Variants in MPPED2 observed in about 807,000 individuals in gnomAD.
The protein encoded by MPPED2 is metallophosphoesterase MPPED2.
Under a neutral mutation model 33.0 loss-of-function variants are expected in MPPED2, and 5 were observed. That is an observed-to-expected ratio of 0.15 (90% CI 0.08 to 0.32). The LOEUF is 0.32. Ranked by LOEUF, MPPED2 falls within the 10% of genes least tolerant of loss-of-function variation. The pLI, the probability that MPPED2 is intolerant of heterozygous loss-of-function variation, is 1.00. For missense variants in MPPED2, 275 were observed against 372.1 expected (o/e 0.74, Z 2.15); for synonymous variants, 136 against 141.9 (o/e 0.96, Z 0.29).
intron 2 of MPPED2, among the ~76,000 whole-genome samples, chr11:30,548,996 T>C (rs1467948352): frequency 6.6e-6 from 1 of 152,212 alleles, no homozygotes; most frequent in African/African-American, 2.4e-5. Flanking sequence ...TTGTGACTAC[T>C]CACCAGTTCA....
intron 3 of MPPED2, among the ~76,000 whole-genome samples, chr11:30,520,340 A>G (rs924585686): frequency 2.0e-5 from 3 of 152,200 alleles, no homozygotes; most frequent in African/African-American, 7.2e-5. Flanking sequence ...GGTGTACTAT[A>G]AATATGGCAT....
At chr11:30,544,930 C>T (rs1955328929) in intron 2 of MPPED2, among the ~76,000 whole-genome samples, 1 of 152,126 alleles carries the variant, frequency 6.6e-6, no homozygotes, top group African/African-American at 2.4e-5. Context: ...AAAATAAGCA[C>T]AAGACTTGGA....
intron 6 of MPPED2, among the ~76,000 whole-genome samples, chr11:30,405,007 A>C (rs558509012): frequency 3.8e-4 from 58 of 152,190 alleles, no homozygotes; most frequent in Non-Finnish European, 6.9e-4. Flanking sequence ...AGAACGTGGC[A>C]CAGCTGGACG....
At chr11:30,395,142 T>A (rs1309554219) in intron 6 of MPPED2, among the ~76,000 whole-genome samples, 1 of 152,190 alleles carries the variant, frequency 6.6e-6, no homozygotes, top group Non-Finnish European at 1.5e-5. Context: ...CCTCCAACTT[T>A]GTTTCTGAAT....
chr11:30,457,669 T>C (rs891915473), intron 4 of MPPED2, among the ~76,000 whole-genome samples: 1 of 152,230 alleles, frequency 6.6e-6, no homozygotes, highest in Non-Finnish European at 1.5e-5. Context: ...GTAACCTGCC[T>C]AGGGTTCCAC....
intron 4 of MPPED2, among the ~76,000 whole-genome samples, chr11:30,482,247 T>C (rs776884285): frequency 1.1e-4 from 17 of 152,214 alleles, no homozygotes; most frequent in Admixed American, 8.5e-4. Context: ...TCTGACTATA[T>C]TAGTATATGT....
chr11:30,450,097 G>A (rs1347758449), intron 4 of MPPED2, among the ~76,000 whole-genome samples: 2 of 152,188 alleles, frequency 1.3e-5, no homozygotes, highest in African/African-American at 4.8e-5. Flanking sequence ...AGTGTCTTTT[G>A]AATTCACAGG....
At chr11:30,441,697 G>C (rs985597762) in intron 4 of MPPED2, among the ~76,000 whole-genome samples, 1 of 151,934 alleles carries the variant, frequency 6.6e-6, no homozygotes, top group Non-Finnish European at 1.5e-5. Flanking sequence ...CTAAAGCTTC[G>C]GCCTCAGCTT....
intron 2 of MPPED2, among the ~76,000 whole-genome samples, chr11:30,576,077 G>A (rs1956917648): frequency 1.3e-5 from 2 of 152,146 alleles, no homozygotes; most frequent in South Asian, 4.1e-4. Context: ...CATTTATTGA[G>A]CATAGACTAT....
intron 2 of MPPED2, among the ~76,000 whole-genome samples, chr11:30,553,627 T>G (rs1955827494): frequency 6.6e-6 from 1 of 152,146 alleles, no homozygotes; most frequent in South Asian, 2.1e-4. Flanking sequence ...AAAATAAGAT[T>G]GAGAAACAGG....
At chr11:30,512,977 C>G (rs750860475) in intron 3 of MPPED2, among the ~76,000 whole-genome samples, 3 of 150,642 alleles carry the variant, frequency 2.0e-5, no homozygotes, top group Non-Finnish European at 4.4e-5. Context: ...CTACTGTGCT[C>G]TAGTTTGGGA....
In MPPED2 at chr11:30,457,382, C is replaced by CAA. The variant is rs146074145; in HGVS notation, c.536+37912_536+37913dup. The stretch of plus-strand genomic sequence containing the variant: ...CTGGCATTTTGACTTCCTAATTTTC[C>CAA]AAAAAAAAAAAAAAAACAGTTCCTT... On this transcript the variant is annotated intron_variant, in intron 4 of 6. Transcript: ENST00000358117. Among the ~76,000 whole-genome samples, 121 of 129,526 alleles carry CAA rather than the reference C, an allele frequency of 9.3e-4. No homozygotes were observed. The East Asian group carries it at 0.017, about 19-fold the overall frequency. 85.0% of individuals were successfully genotyped at this position (129,526 alleles called of 152,430 possible).
chr11:30,417,466 GCCTGGAAAAAAAGGCA>G, intron 5 of MPPED2, 36 bp downstream of exon 5: 1 of 894,644 alleles, frequency 1.1e-6, no homozygotes, highest in East Asian at 2.6e-5. Context: ...TATTCATTAT[GCCTGGAAAAAAAGGCA>G]TCTGGATGAC....
intron 2 of MPPED2, among the ~76,000 whole-genome samples, chr11:30,550,738 A>G (rs1414363924): frequency 2.0e-5 from 3 of 152,036 alleles, no homozygotes; most frequent in Non-Finnish European, 2.9e-5. Context: ...ATGCAATAAA[A>G]TCTCCCGCCA....
chr11:30,390,960 C>T (rs1947765803), intron 6 of MPPED2, among the ~76,000 whole-genome samples: 1 of 152,160 alleles, frequency 6.6e-6, no homozygotes, highest in Non-Finnish European at 1.5e-5. Flanking sequence ...GCAAGTCACA[C>T]CACCAGCCCA....
At chr11:30,585,698 G>A (rs1235874406) in intron 1 of MPPED2, among the ~76,000 whole-genome samples, 1 of 152,112 alleles carries the variant, frequency 6.6e-6, no homozygotes, top group Non-Finnish European at 1.5e-5. Context: ...AGAGGTCGGG[G>A]GACTGATGGC....
At chr11:30,533,467 G>T (rs1453060318) in intron 3 of MPPED2, among the ~76,000 whole-genome samples, 1 of 152,068 alleles carries the variant, frequency 6.6e-6, no homozygotes, top group African/African-American at 2.4e-5. Flanking sequence ...CTGACAGTCG[G>T]ATGCCCTATT....
At chr11:30,489,262 T>C (rs1037422801) in intron 4 of MPPED2, among the ~76,000 whole-genome samples, 1 of 152,198 alleles carries the variant, frequency 6.6e-6, no homozygotes, top group Non-Finnish European at 1.5e-5. Flanking sequence ...ACAAAACTTA[T>C]AATTGGAAAT....
chr11:30,494,087 A>G (rs1275550894), intron 4 of MPPED2, among the ~76,000 whole-genome samples: 1 of 152,246 alleles, frequency 6.6e-6, no homozygotes, highest in Non-Finnish European at 1.5e-5. Flanking sequence ...TTTAAAAAAT[A>G]CAAACTGCTG....
Sources: gnomAD v4.1 joint callset for allele counts (sites outside exome capture counted in the v4.1 genomes callset) on GRCh38, gnomAD v4.1.1 for gene constraint, MANE v1.5 for transcripts, NCBI Gene and HGNC (gene_info 2026-07-23, HGNC 2026-07-21) for gene names.